YPEL1: variants seen among roughly 807,000 people sequenced by gnomAD.
The protein encoded by YPEL1 is protein yippee-like 1.
A neutral mutation model predicts 17.3 loss-of-function variants in YPEL1; 7 were observed. The observed-to-expected ratio is 0.40, with a 90% CI of 0.23 to 0.76. The LOEUF (loss-of-function observed/expected upper bound fraction) is 0.76, where lower values mean the gene tolerates loss of function less well. YPEL1 is among the 30% of genes least tolerant of loss of function. YPEL1 has a pLI of 0.35. For synonymous variants in YPEL1, 59 were observed against 59.6 expected (o/e 0.99, Z 0.05); for missense variants, 91 against 155.5 (o/e 0.59, Z 2.21).
chr22:21,715,198 CA>C (rs766331811), intron 1 of YPEL1, among the ~76,000 whole-genome samples: 3 of 151,938 alleles, frequency 2.0e-5, no homozygotes, highest in Non-Finnish European at 2.9e-5. Flanking sequence ...TGTAACTAGA[CA>C]AAAAAACTAT....
In YPEL1 at chr22:21,703,422, G is replaced by A; in HGVS notation, c.218C>T (p.Ala73Val). ...GTTCTCGCAGTAGATGTCGGCAACC[G>A]CATGCAGCCCGGTGAGAAGGACCCT... Reference protein sequence around the residue: ...EERVLLTGLHAVADIYCENCK... With the variant: ...EERVLLTGLHVVADIYCENCK... Residue 73 changes from alanine to valine, a missense_variant, in exon 4 of 5, where the codon GCG (alanine) becomes GTG (valine). Coordinates refer to ENST00000339468, the MANE Select transcript of YPEL1 (RefSeq NM_013313.5). The surrounding 1 kb of genome is among the most constrained non-coding windows in gnomAD (Gnocchi z 6.1). 1 of 1,613,208 alleles carries A rather than the reference G, an allele frequency of 6.2e-7. No individual in the cohort carries two copies. Among genetic ancestry groups the A allele is most frequent in the Non-Finnish European group, 8.5e-7 (1 of 1,179,996 alleles).
chr22:21,717,165 C>T (rs542809178), intron 1 of YPEL1, among the ~76,000 whole-genome samples: 21 of 151,944 alleles, frequency 1.4e-4, no homozygotes, highest in African/African-American at 5.1e-4. Context: ...ATCACAAGGT[C>T]AGGAGTTCGA....
chr22:21,730,224 G>A (rs1175774001), intron 1 of YPEL1, among the ~76,000 whole-genome samples: 1 of 151,864 alleles, frequency 6.6e-6, no homozygotes, highest in Non-Finnish European at 1.5e-5. Context: ...ACACATCAGG[G>A]ACATTTCCAT....
In YPEL1 at chr22:21,706,614, G is replaced by T. The variant is rs192795027; in HGVS notation, c.118-2732C>A. Among the ~76,000 whole-genome samples the T allele has an allele frequency of 4.0e-3, 615 of 152,146 alleles. 14 individuals are homozygous for T. Among genetic ancestry groups the T allele is most frequent in the Admixed American group, 0.037 (558 of 15,274 alleles). ...TAATCCCAGCACTTTGAGAGGCCAG[G>T]GTGGGTGGATCACCTGAGGTCAGGA... On this transcript the variant is annotated intron_variant, in intron 2 of 4. Transcript: ENST00000339468.
At chr22:21,710,533 G>C in intron 2 of YPEL1, 95 bp downstream of exon 2, 1 of 1,087,438 alleles carries the variant, frequency 9.2e-7, no homozygotes, top group Non-Finnish European at 1.4e-6. Flanking sequence ...AGCAGACTCA[G>C]GAAGTCATGT....
intron 2 of YPEL1, among the ~76,000 whole-genome samples, chr22:21,706,356 ACCC>A (rs1327514934): frequency 6.8e-6 from 1 of 146,158 alleles, no homozygotes; most frequent in Non-Finnish European, 1.5e-5. Context: ...TTGAACCGGG[ACCC>A]GGGAGGCAGA....
chr22:21,705,996 G>A (rs1353720020), intron 2 of YPEL1, among the ~76,000 whole-genome samples: 1 of 151,912 alleles, frequency 6.6e-6, no homozygotes, highest in Non-Finnish European at 1.5e-5. Flanking sequence ...TGGGCATGGT[G>A]GAGGGTGCCT....
chr22:21,726,076 G>A (rs373645803), intron 1 of YPEL1, among the ~76,000 whole-genome samples: 4 of 152,168 alleles, frequency 2.6e-5, no homozygotes, highest in African/African-American at 7.2e-5. Flanking sequence ...GGACCCATGG[G>A]CACCAAGGAG....
chr22:21,712,594 C>T (rs185066888), intron 1 of YPEL1, among the ~76,000 whole-genome samples: 16 of 151,478 alleles, frequency 1.1e-4, no homozygotes, highest in African/African-American at 3.4e-4. Context: ...GGCGTGGTGG[C>T]GGGTGCTTGT....
At chr22:21,715,794 G>A (rs1293519517) in intron 1 of YPEL1, among the ~76,000 whole-genome samples, 6 of 90,190 alleles carry the variant, frequency 6.7e-5, no homozygotes, top group East Asian at 2.5e-4. Flanking sequence ...ACAGAGTTTC[G>A]CTCTTATTGC....
intron 2 of YPEL1, among the ~76,000 whole-genome samples, chr22:21,705,565 C>T (rs902886476): frequency 3.9e-5 from 6 of 152,126 alleles, no homozygotes; most frequent in Non-Finnish European, 5.9e-5. Flanking sequence ...GACTGAAACA[C>T]GATTTGACAA....
intron 1 of YPEL1, among the ~76,000 whole-genome samples, chr22:21,725,219 A>T (rs2068323141): frequency 7.1e-6 from 1 of 140,260 alleles, no homozygotes; most frequent in African/African-American, 2.7e-5. Flanking sequence ...CTAAAATGGT[A>T]ATTTTTTTTT....
intron 1 of YPEL1, among the ~76,000 whole-genome samples, chr22:21,728,089 T>C (rs1283522796): frequency 6.6e-6 from 1 of 152,200 alleles, no homozygotes; most frequent in Non-Finnish European, 1.5e-5. Flanking sequence ...CCCGCCATGT[T>C]CAGCCAGGAT....
At position 21,700,924 on chromosome 22, in the gene YPEL1, T is replaced by G. The variant is rs2068058741; in HGVS notation, c.*205A>C. The G allele has an allele frequency of 2.3e-6, 1 of 441,082 alleles. No homozygotes were observed. Among genetic ancestry groups the G allele is most frequent in the Non-Finnish European group, 4.0e-6 (1 of 248,568 alleles). The allele number at this position is 441,082 out of a possible 1,614,324, so 27.3% of individuals were successfully genotyped here. A position where few individuals can be genotyped will look rare whatever the true frequency, so the allele number is the denominator to read the frequency against. On this transcript the variant is annotated 3_prime_UTR_variant, in exon 5 of 5. Transcript: ENST00000339468. ...GAAGTTAGAAAAAGCTCATTGAAAA[T>G]TTTCAGAAACAACTGTGTACACGAA... is the stretch of plus-strand genomic sequence containing the variant.
intron 1 of YPEL1, among the ~76,000 whole-genome samples, chr22:21,719,242 T>A (rs531927462): frequency 9.8e-5 from 15 of 152,332 alleles, no homozygotes; most frequent in African/African-American, 3.4e-4. Flanking sequence ...GGATGTCATG[T>A]GACAACTTGT....
At chr22:21,709,083 A>G (rs1176246664) in intron 2 of YPEL1, among the ~76,000 whole-genome samples, 1 of 152,208 alleles carries the variant, frequency 6.6e-6, no homozygotes, top group Non-Finnish European at 1.5e-5. Flanking sequence ...CTTCCGAAAC[A>G]AAACCATGCA....
chr22:21,709,202 C>T (rs2148600088), intron 2 of YPEL1, among the ~76,000 whole-genome samples: 1 of 152,218 alleles, frequency 6.6e-6, no homozygotes, highest in East Asian at 1.9e-4. Context: ...CTGCCCCTAC[C>T]CAGGGGCCCA....
intron 1 of YPEL1, among the ~76,000 whole-genome samples, chr22:21,732,147 T>C (rs1023210163): frequency 6.6e-6 from 1 of 152,242 alleles, no homozygotes; most frequent in African/African-American, 2.4e-5. Context: ...AGCATCTGTA[T>C]AGCAGGTGTA....
chr22:21,723,439 T>C (rs1275552147), intron 1 of YPEL1, among the ~76,000 whole-genome samples: 2 of 149,956 alleles, frequency 1.3e-5, no homozygotes, highest in South Asian at 2.1e-4. Flanking sequence ...GCGATCTCGG[T>C]TCACTGCAGT....
Sources: allele counts gnomAD v4.1 joint callset (sites outside exome capture counted in the v4.1 genomes callset), GRCh38; gene constraint gnomAD v4.1.1; non-coding constraint Gnocchi (gnomAD v3.1); transcripts MANE v1.5; gene names NCBI Gene and HGNC (gene_info 2026-07-23, HGNC 2026-07-21).